NBEAL1: variants seen among roughly 807,000 people sequenced by gnomAD.
The protein encoded by NBEAL1 is neurobeachin like 1.
A neutral mutation model predicts 351.3 loss-of-function variants in NBEAL1; 273 were observed. The observed-to-expected ratio is 0.78, with a 90% CI of 0.70 to 0.86. The LOEUF (loss-of-function observed/expected upper bound fraction) is 0.86, where lower values mean the gene tolerates loss of function less well. Ranked by LOEUF, NBEAL1 falls within the 40% of genes least tolerant of loss-of-function variation. The pLI is 0.00. For synonymous variants in NBEAL1, 1,050 were observed against 1,086.4 expected (o/e 0.97, Z 0.66); for missense variants, 2,961 against 3,201.3 (o/e 0.92, Z 1.81).
At position 203,108,102 on chromosome 2, in the gene NBEAL1, T is replaced by G; in HGVS notation, c.1863T>G (p.Phe621Leu). Residue 621 changes from phenylalanine to leucine, a missense_variant, in exon 14 of 56, where the codon TTT becomes TTG. Coordinates refer to ENST00000683969, the MANE Select transcript of NBEAL1 (RefSeq NM_001378026.1). Reference sequence around the variant, plus strand: ...TACAGAAATGGCCAGGGTCTGCCTTTTCTTTCAGTGCTTGGTTTTGCTTAG... The same window carrying G: ...TACAGAAATGGCCAGGGTCTGCCTTGTCTTTCAGTGCTTGGTTTTGCTTAG... ...PPIQKWPGSA[F>L]SFSAWFCLDQ... is the part of the protein sequence containing the mutation. 6.4e-7 allele frequency: 1 copy of G among 1,552,190 alleles called. No individual in the cohort carries two copies. The highest frequency in any genetic ancestry group is 8.7e-7 in the Non-Finnish European group (1 of 1,147,118).
intron 2 of NBEAL1, chr2:203,040,697 A>T (rs1354056605): frequency 8.0e-6 from 5 of 624,026 alleles, no homozygotes; most frequent in Non-Finnish European, 1.2e-5. Context: ...TTCCCAGGGA[A>T]GTATTTCCAG....
intron 2 of NBEAL1, among the ~76,000 whole-genome samples, chr2:203,024,035 A>G (rs2060812247): frequency 6.7e-6 from 1 of 150,124 alleles, no homozygotes; most frequent in African/African-American, 2.4e-5. Context: ...TGCCTCAGAA[A>G]GTACAGGGAT....
intron 26 of NBEAL1, 128 bp downstream of exon 26, chr2:203,132,260 A>G (rs1172535994): frequency 8.0e-6 from 5 of 622,850 alleles, no homozygotes; most frequent in South Asian, 2.4e-5. Context: ...CTTGGATACC[A>G]TATCTTACGT....
At chr2:203,076,038 CA>C (rs555787573) in intron 7 of NBEAL1, among the ~76,000 whole-genome samples, 68 of 152,144 alleles carry the variant, frequency 4.5e-4, no homozygotes, top group African/African-American at 1.6e-3. Context: ...ATGACATGTG[CA>C]AAAGGGTATT....
rs73990619 is a variant in NBEAL1, at chr2:203,123,803, G to A, written c.2682+1460G>A. Among the ~76,000 whole-genome samples, 164 of 152,108 alleles carry A rather than the reference G, an allele frequency of 1.1e-3. 1 individual carries two copies. The highest frequency in any genetic ancestry group is 3.1e-3 in the African/African-American group (128 of 41,506). ...CCATACATACCTGAAAATCAAAGCC[G>A]TTTTTTTGTGGCCTGAGTTACAGCT... On this transcript the variant is annotated intron_variant, in intron 19 of 55. Transcript: ENST00000683969.
chr2:203,130,270 T>C (rs991487267), intron 24 of NBEAL1, 48 bp from the exon 25 acceptor site: 1 of 1,458,964 alleles, frequency 6.9e-7, no homozygotes, highest in Non-Finnish European at 9.0e-7. Context: ...TATTTGTGCT[T>C]GTATATATGA....
rs562620341 is a variant in NBEAL1, at chr2:203,193,744, G to A, written c.6922-51G>A. The A allele has an allele frequency of 6.5e-5, 81 of 1,237,710 alleles. No individual in the cohort carries two copies. The East Asian group carries it at 1.4e-3, about 22-fold the overall frequency. The allele number at this position is 1,237,710 out of a possible 1,614,324, so 76.7% of individuals were successfully genotyped here. A position where few individuals can be genotyped will look rare whatever the true frequency, so the allele number is the denominator to read the frequency against. On this transcript the variant is annotated intron_variant, in intron 46 of 55. Coordinates refer to ENST00000683969, the MANE Select transcript of NBEAL1 (RefSeq NM_001378026.1). ...TAGTGTATATGAAGGAACATAGTGA[G>A]AGATTAATAACATAGATATGGAATT...
At chr2:203,213,772 A>C in intron 55 of NBEAL1, 119 bp downstream of exon 55, 1 of 1,531,968 alleles carries the variant, frequency 6.5e-7, no homozygotes, top group Admixed American at 2.3e-5. Context: ...GCCAAATTTG[A>C]TTTTTCAAAA....
rs145601927 is a variant in NBEAL1, at chr2:203,033,596, A to G, written c.52-8169A>G. Reference sequence around the variant, plus strand: ...AGGAAATTGTCAGGTTTTTGCAGAAATTACTCATAATGAAATACCAGATCT... The same window carrying G: ...AGGAAATTGTCAGGTTTTTGCAGAAGTTACTCATAATGAAATACCAGATCT... On this transcript the variant is annotated intron_variant, in intron 2 of 55. Transcript: ENST00000683969. 5.4e-3 allele frequency among the ~76,000 whole-genome samples: 830 copies of G among 152,324 alleles called. 2 individuals carry two copies. Among genetic ancestry groups the G allele is most frequent in the Admixed American group, 0.011 (162 of 15,296 alleles).
intron 36 of NBEAL1, among the ~76,000 whole-genome samples, chr2:203,163,382 C>G (rs2064029336): frequency 6.6e-6 from 1 of 151,952 alleles, no homozygotes; most frequent in South Asian, 2.1e-4. Flanking sequence ...GTTTAAAGTC[C>G]TTTTTTCTTT....
At chr2:203,057,029 T>C (rs1393388960) in intron 5 of NBEAL1, among the ~76,000 whole-genome samples, 2 of 152,214 alleles carry the variant, frequency 1.3e-5, no homozygotes, top group East Asian at 3.8e-4. Context: ...TTATTTAATT[T>C]AAAAATTTAA....
intron 30 of NBEAL1, 118 bp from the exon 31 acceptor site, chr2:203,138,502 T>C: frequency 8.6e-7 from 1 of 1,163,812 alleles, no homozygotes; most frequent in Non-Finnish European, 1.2e-6. Flanking sequence ...TTTTGTCAAC[T>C]GAACATTGGA....
rs1030818423 is a variant in NBEAL1, at chr2:203,074,389, A to G, written c.599-3363A>G. Among the ~76,000 whole-genome samples the G allele has an allele frequency of 1.0e-4, 14 of 134,450 alleles. No individual in the cohort carries two copies. In the East Asian group the frequency reaches 1.5e-3, roughly 15 times the overall value. 88.2% of individuals were successfully genotyped at this position (134,450 alleles called of 152,430 possible). The stretch of plus-strand genomic sequence containing the variant: ...ACCCAGGCTGGAGTGGTGCAGTGGC[A>G]CGATCTTGGCTCACTGCAGCCTCCG... On this transcript the variant is annotated intron_variant, in intron 7 of 55. Transcript: ENST00000683969.
intron 36 of NBEAL1, among the ~76,000 whole-genome samples, chr2:203,164,937 C>T (rs1050152697): frequency 1.3e-5 from 2 of 150,894 alleles, no homozygotes; most frequent in African/African-American, 4.9e-5. Context: ...TCTTGGCTCA[C>T]CGCACCCTCC....
At chr2:203,032,149 C>G (rs972533478) in intron 2 of NBEAL1, among the ~76,000 whole-genome samples, 1 of 152,096 alleles carries the variant, frequency 6.6e-6, no homozygotes, top group Non-Finnish European at 1.5e-5. Flanking sequence ...TTAAGTGGTT[C>G]CTTCAGCCCA....
chr2:203,217,307 C>T lies in NBEAL1; in HGVS notation c.8125C>T (p.Gln2709Ter), dbSNP rs1365733885. 1 of 1,602,226 alleles carries T rather than the reference C, an allele frequency of 6.2e-7. No individual in the cohort carries two copies. The highest frequency in any genetic ancestry group is 8.5e-7 in the Non-Finnish European group (1 of 1,174,018). The change falls in exon 56 of 56, where the codon CAG (glutamine) becomes TAG (stop). Residue 2709 changes from glutamine to a stop codon, truncating the protein, a stop_gained. Transcript: ENST00000683969. LOFTEE classifies it high-confidence loss of function. ...TTGGGGATCGAGCAAGCGGCTCAGCCAGATTTCAGCTGGAGAAACTGAATA... is the reference window on the plus strand; with the variant it reads ...TTGGGGATCGAGCAAGCGGCTCAGCTAGATTTCAGCTGGAGAAACTGAATA... ...KFWGSSKRLS[Q>*]ISAGETEYNT...
At position 203,087,090 on chromosome 2, in the gene NBEAL1, CTTTTTTTTTTT is replaced by C. The variant is rs1003638123; in HGVS notation, c.1098+2533_1098+2543del. ...TTTACTTGTTTTCTCCTTTTTCACT[CTTTTTTTTTTT>C]TTTTTTTTTTTGGAGACAGTCTTGC... On this transcript the variant is annotated intron_variant, in intron 10 of 55. Coordinates refer to ENST00000683969, the MANE Select transcript of NBEAL1 (RefSeq NM_001378026.1). Among the ~76,000 whole-genome samples, 5 of 121,062 alleles carry C rather than the reference CTTTTTTTTTTT, an allele frequency of 4.1e-5. No homozygotes were observed. The East Asian group carries it at 1.2e-3, about 29-fold the overall frequency. The allele number at this position is 121,062 out of a possible 152,430, so 79.4% of individuals were successfully genotyped here. A position where few individuals can be genotyped will look rare whatever the true frequency, so the allele number is the denominator to read the frequency against.
intron 38 of NBEAL1, among the ~76,000 whole-genome samples, chr2:203,168,497 C>A (rs2064209059): frequency 6.6e-6 from 1 of 152,132 alleles, no homozygotes; most frequent in South Asian, 2.1e-4. Flanking sequence ...GCAGGAGAAT[C>A]ACTTGAACCT....
At chr2:203,054,518 C>A (rs2061375468) in intron 4 of NBEAL1, among the ~76,000 whole-genome samples, 2 of 152,094 alleles carry the variant, frequency 1.3e-5, no homozygotes, top group African/African-American at 2.4e-5. Flanking sequence ...AGTCCTCCTG[C>A]CTCTGCCTCT....
Sources: gnomAD v4.1 joint callset for allele counts (sites outside exome capture counted in the v4.1 genomes callset) on GRCh38, gnomAD v4.1.1 for gene constraint, MANE v1.5 for transcripts, NCBI Gene and HGNC (gene_info 2026-07-23, HGNC 2026-07-21) for gene names.